The following CNTN5 variants were observed in gnomAD, a reference collection of about 807,000 sequenced individuals.
CNTN5 encodes contactin-5.
A neutral mutation model predicts 129.1 loss-of-function variants in CNTN5; 77 were observed. The observed-to-expected ratio is 0.60, with a 90% CI of 0.50 to 0.72. The LOEUF is 0.72. Among genes scored for constraint, CNTN5 ranks in the 30% least tolerant of loss-of-function variants. The pLI is 0.00. For synonymous variants in CNTN5, 509 were observed against 465.6 expected, an observed-to-expected ratio of 1.09 and a Z score of -1.20; for missense variants, 1,478 against 1,328.8, an observed-to-expected ratio of 1.11 and a Z score of -1.75.
At chr11:99,242,010 G>T (rs192528012) in intron 1 of CNTN5, among the ~76,000 whole-genome samples, 165 of 152,118 alleles carry the variant, frequency 1.1e-3, no homozygotes, top group African/African-American at 3.9e-3. Flanking sequence ...TGACAAAGTG[G>T]TAACACTATA....
intron 20 of CNTN5, among the ~76,000 whole-genome samples, chr11:100,300,184 C>G (rs1394788010): frequency 6.6e-6 from 1 of 151,424 alleles, no homozygotes; most frequent in Admixed American, 6.6e-5. Flanking sequence ...GATAGAGCTA[C>G]AGTGGAAACC....
intron 3 of CNTN5, among the ~76,000 whole-genome samples, chr11:99,722,756 C>T (rs560505042): frequency 1.6e-4 from 25 of 151,936 alleles, no homozygotes; most frequent in African/African-American, 4.3e-4. Flanking sequence ...CCTGGTAAGA[C>T]CCTGTCTTTT....
intron 3 of CNTN5, among the ~76,000 whole-genome samples, chr11:99,717,482 G>A (rs1412851461): frequency 6.6e-6 from 1 of 152,002 alleles, no homozygotes; most frequent in Non-Finnish European, 1.5e-5. Context: ...AAAAATAAGA[G>A]TATAGTATTT....
chr11:99,024,470 T>C (rs1169817411), intron 1 of CNTN5, among the ~76,000 whole-genome samples: 2 of 152,220 alleles, frequency 1.3e-5, no homozygotes, highest in African/African-American at 4.8e-5. Context: ...TTTTGAAGTA[T>C]TGAATTGAAT....
At chr11:99,615,524 G>T (rs113847492) in intron 3 of CNTN5, among the ~76,000 whole-genome samples, 12 of 152,064 alleles carry the variant, frequency 7.9e-5, no homozygotes, top group Non-Finnish European at 1.3e-4. Context: ...TGACAGCTTA[G>T]CTACTGAAAC....
chr11:99,081,969 T>A (rs1346894921), intron 1 of CNTN5, among the ~76,000 whole-genome samples: 4 of 152,160 alleles, frequency 2.6e-5, no homozygotes, highest in Non-Finnish European at 2.9e-5. Flanking sequence ...TACAAAATTT[T>A]AAAAATCTAT....
intron 9 of CNTN5, among the ~76,000 whole-genome samples, chr11:100,040,882 T>G (rs1273643265): frequency 6.6e-6 from 1 of 152,150 alleles, no homozygotes; most frequent in Non-Finnish European, 1.5e-5. Flanking sequence ...TGTCACCCCT[T>G]TCTTTGACTA....
Position 100,088,759 on chromosome 11 carries a change from A to G in CNTN5, c.1580+14465A>G, listed in dbSNP as rs367942926. Among the ~76,000 whole-genome samples the G allele has an allele frequency of 5.3e-5, 8 of 152,220 alleles. No homozygotes were observed. The East Asian group carries it at 1.5e-3, about 29-fold the overall frequency. On this transcript the variant is annotated intron_variant, in intron 13 of 24. Coordinates refer to ENST00000524871, the MANE Select transcript of CNTN5 (RefSeq NM_014361.4). Reference sequence around the variant, plus strand: ...ATCAGTAATAAAAACCTACCAACCAAAAAACACTGAGGACCAGATTAGTTC... The same window carrying G: ...ATCAGTAATAAAAACCTACCAACCAGAAAACACTGAGGACCAGATTAGTTC...
At chr11:99,372,796 A>G (rs764130700) in intron 2 of CNTN5, among the ~76,000 whole-genome samples, 12 of 152,266 alleles carry the variant, frequency 7.9e-5, no homozygotes, top group Non-Finnish European at 1.2e-4. Context: ...AATGTTATAA[A>G]GCAAAAAATT....
Position 99,168,578 on chromosome 11 carries a change from T to TCAAAACAAAACAAAACAAAACAAAA in CNTN5, c.-210+147309_-210+147333dup, listed in dbSNP as rs56681956. On this transcript the variant is annotated intron_variant, in intron 1 of 24. Coordinates refer to ENST00000524871, the MANE Select transcript of CNTN5 (RefSeq NM_014361.4). Reference sequence around the variant, plus strand: ...CTGGGTGACAGACTGAGACTCCATCTCAAAACAAAACAAAACAAAACAAAA... The same window carrying TCAAAACAAAACAAAACAAAACAAAA: ...CTGGGTGACAGACTGAGACTCCATCTCAAAACAAAACAAAACAAAACAAAACAAAACAAAACAAAACAAAACAAAA... Among the ~76,000 whole-genome samples, 931 of 145,860 alleles carry TCAAAACAAAACAAAACAAAACAAAA rather than the reference T, an allele frequency of 6.4e-3. 10 individuals carry two copies. Among genetic ancestry groups the TCAAAACAAAACAAAACAAAACAAAA allele is most frequent in the East Asian group, 0.032 (159 of 4,938 alleles).
intron 1 of CNTN5, among the ~76,000 whole-genome samples, chr11:99,297,957 G>A (rs1221887284): frequency 6.6e-6 from 1 of 151,920 alleles, no homozygotes; most frequent in Non-Finnish European, 1.5e-5. Context: ...TTTCTGTTGC[G>A]ACTCCAAACC....
intron 9 of CNTN5, among the ~76,000 whole-genome samples, chr11:100,028,334 C>A (rs907598661): frequency 1.3e-5 from 2 of 152,274 alleles, no homozygotes; most frequent in East Asian, 3.9e-4. Context: ...GTTCAATTAT[C>A]TGCCACCTCT....
intron 1 of CNTN5, among the ~76,000 whole-genome samples, chr11:99,225,623 C>T (rs1432253372): frequency 1.3e-5 from 2 of 152,148 alleles, no homozygotes; most frequent in Non-Finnish European, 2.9e-5. Flanking sequence ...CTTAAATTCT[C>T]ACTACCAAAT....
At chr11:99,314,821 C>T (rs1444948411) in intron 1 of CNTN5, among the ~76,000 whole-genome samples, 1 of 138,168 alleles carries the variant, frequency 7.2e-6, no homozygotes, top group East Asian at 2.1e-4. Flanking sequence ...AAGATGGATG[C>T]TCTAGTAGGA....
chr11:99,494,512 A>G (rs1946153364), intron 2 of CNTN5, among the ~76,000 whole-genome samples: 1 of 152,192 alleles, frequency 6.6e-6, no homozygotes, highest in Non-Finnish European at 1.5e-5. Flanking sequence ...AAATCTTGTT[A>G]CTTTCTTGTA....
intron 13 of CNTN5, among the ~76,000 whole-genome samples, chr11:100,129,829 GTGTGTGTGTT>G (rs892275905): frequency 2.0e-5 from 3 of 149,182 alleles, no homozygotes; most frequent in African/African-American, 7.4e-5. Context: ...ATATATATTT[GTGTGTGTGTT>G]TGTGTGTGTG....
At chr11:99,238,207 A>G (rs1861375594) in intron 1 of CNTN5, among the ~76,000 whole-genome samples, 1 of 152,200 alleles carries the variant, frequency 6.6e-6, no homozygotes, top group Non-Finnish European at 1.5e-5. Context: ...AAAAAGGAAC[A>G]ATTTGTTAAA....
chr11:99,834,991 T>C lies in CNTN5; in HGVS notation c.278-9861T>C, dbSNP rs114998241. Among the ~76,000 whole-genome samples the C allele has an allele frequency of 6.6e-3, 1,001 of 152,324 alleles. 11 individuals are homozygous for C. Among genetic ancestry groups the C allele is most frequent in the African/African-American group, 0.021 (882 of 41,574 alleles). ...AGTAATTCAGGAGTTTCCCTTCTTA[T>C]ATGTCTACCTTCCATGTTTCAGTTA... On this transcript the variant is annotated intron_variant, in intron 4 of 24. Coordinates refer to ENST00000524871, the MANE Select transcript of CNTN5 (RefSeq NM_014361.4).
intron 16 of CNTN5, among the ~76,000 whole-genome samples, chr11:100,237,433 T>C (rs1173967136): frequency 6.6e-6 from 1 of 152,174 alleles, no homozygotes; most frequent in Non-Finnish European, 1.5e-5. Context: ...CCAGAATGCT[T>C]CTTCACTGAA....
Sources: gnomAD v4.1 joint callset for allele counts (sites outside exome capture counted in the v4.1 genomes callset) on GRCh38, gnomAD v4.1.1 for gene constraint, MANE v1.5 for transcripts, NCBI Gene and HGNC (gene_info 2026-07-23, HGNC 2026-07-21) for gene names.